Variants in ZFHX3 observed in about 807,000 individuals in gnomAD.
ZFHX3 encodes zinc finger homeobox 3.
Under a neutral mutation model 279.1 loss-of-function variants are expected in ZFHX3, and 42 were observed. The observed-to-expected ratio is 0.15, with a 90% CI of 0.12 to 0.19. The LOEUF (loss-of-function observed/expected upper bound fraction) is 0.19. Among genes scored for constraint, ZFHX3 ranks in the 10% least tolerant of loss-of-function variants. The pLI is 1.00. For synonymous variants in ZFHX3, 2,293 were observed against 1,957.8 expected (o/e 1.17, Z -4.52); for missense variants, 4,981 against 4,754.0 (o/e 1.05, Z -1.40).
chr16:73,439,324 G>GT (rs1430195355), intron 3 of ZFHX3, among the ~76,000 whole-genome samples: 1 of 152,160 alleles, frequency 6.6e-6, no homozygotes, highest in Admixed American at 6.5e-5. Flanking sequence ...TAGTGGCTCT[G>GT]TTTTTTCATG....
intron 5 of ZFHX3, among the ~76,000 whole-genome samples, chr16:73,241,698 G>C (rs937715330): frequency 6.7e-6 from 1 of 149,154 alleles, no homozygotes; most frequent in Non-Finnish European, 1.5e-5. Flanking sequence ...GCTGAGGCAG[G>C]AGAATCGCTT....
intron 1 of ZFHX3, among the ~76,000 whole-genome samples, chr16:73,716,021 G>T (rs2053411173): frequency 6.6e-6 from 1 of 152,022 alleles, no homozygotes; most frequent in Admixed American, 6.6e-5. Flanking sequence ...CCTACACATT[G>T]TTTGAAAAAT....
exon 1 of ZFHX3, chr16:73,058,556 TGCAGCGGCGCTGCTGGCGACGGCGGCG>T (rs888802257): frequency 1.1e-5 from 2 of 174,634 alleles, no homozygotes; most frequent in Admixed American, 6.9e-5. Context: ...CGGCGGCGGC[TGCAGCGGCGCTGCTGGCGACGGCGGCG>T]GCGGCGGGAG....
intron 1 of ZFHX3, among the ~76,000 whole-genome samples, 157 bp from the exon 2 acceptor site, chr16:72,960,351 G>A (rs961334023): frequency 1.3e-5 from 2 of 152,120 alleles, no homozygotes; most frequent in Admixed American, 6.5e-5. Flanking sequence ...CGGGCCTGGG[G>A]ACACTGCCCC....
intron 1 of ZFHX3, among the ~76,000 whole-genome samples, chr16:73,054,475 T>G (rs960799020): frequency 3.1e-5 from 4 of 129,760 alleles, no homozygotes; most frequent in Non-Finnish European, 6.5e-5. Flanking sequence ...TTTTAGGAAA[T>G]CCACACTTTT....
At position 73,763,855 on chromosome 16, in the gene ZFHX3, G is replaced by A. The variant is rs535641514; in HGVS notation, c.-1607-83615C>T. Among the ~76,000 whole-genome samples, 15 of 148,920 alleles carry A rather than the reference G, an allele frequency of 1.0e-4. No individual in the cohort carries two copies. The East Asian group carries it at 2.5e-3, about 25-fold the overall frequency. ...ATTCTCCCTCTCCCTTGCTGGCTTC[G>A]AAGAGGCAAGCTGCCATTAATTCTG... On this transcript the variant is annotated intron_variant, in intron 1 of 17. Coordinates refer to the ZFHX3 transcript ENST00000641206.
intron 2 of ZFHX3, chr16:73,487,705 C>T (rs1210459215): frequency 1.2e-5 from 2 of 166,670 alleles, no homozygotes; most frequent in Non-Finnish European, 2.6e-5. Context: ...GCGCTCAGCT[C>T]ATGTGATTTC....
chr16:73,825,894 T>C (rs1411604540), intron 1 of ZFHX3, among the ~76,000 whole-genome samples: 29 of 98,788 alleles, frequency 2.9e-4, no homozygotes, highest in African/African-American at 1.4e-3. Context: ...GGCTCTTTTT[T>C]GGTTCCATAT....
At chr16:72,895,599 A>T (rs1264872518) in intron 3 of ZFHX3, among the ~76,000 whole-genome samples, 1 of 152,242 alleles carries the variant, frequency 6.6e-6, no homozygotes, top group African/African-American at 2.4e-5. Context: ...AGGAAGGAGG[A>T]TCACTTGAGC....
At chr16:73,667,136 TGCCC>T (rs922476055) in intron 2 of ZFHX3, among the ~76,000 whole-genome samples, 12 of 151,838 alleles carry the variant, frequency 7.9e-5, no homozygotes, top group Admixed American at 2.6e-4. Flanking sequence ...GGATTACAGG[TGCCC>T]GCCACCACGC....
intron 1 of ZFHX3, among the ~76,000 whole-genome samples, chr16:73,046,345 G>C (rs976858389): frequency 7.9e-5 from 12 of 152,154 alleles, no homozygotes; most frequent in Admixed American, 2.0e-4. Context: ...TGGCTGTTCT[G>C]ATAACAAGGA....
At chr16:73,063,647 C>T (rs1192468633), upstream of ZFHX3, among the ~76,000 whole-genome samples, 1 of 152,020 alleles carries the variant, frequency 6.6e-6, no homozygotes, top group African/African-American at 2.4e-5. Context: ...GTCCCCCTGG[C>T]AGGACTAGGC....
At chr16:73,426,918 T>C (rs1308223567) in intron 3 of ZFHX3, among the ~76,000 whole-genome samples, 2 of 152,130 alleles carry the variant, frequency 1.3e-5, no homozygotes, top group Admixed American at 1.3e-4. Context: ...TGTCAACGTG[T>C]TGATTATTCT....
chr16:73,227,879 C>T (rs1296907573), intron 5 of ZFHX3, among the ~76,000 whole-genome samples: 2 of 134,430 alleles, frequency 1.5e-5, no homozygotes, highest in Non-Finnish European at 3.1e-5. Flanking sequence ...AAAAAGACAT[C>T]GAAGCTGAAA....
chr16:72,981,878 T>A (rs539193971), intron 1 of ZFHX3, among the ~76,000 whole-genome samples: 1 of 22,842 alleles, frequency 4.4e-5, no homozygotes, highest in Admixed American at 4.1e-4. Context: ...CACATTTTCC[T>A]TTTTTTTTTT....
chr16:73,685,217 C>T (rs895830138), intron 1 of ZFHX3, among the ~76,000 whole-genome samples: 2 of 146,442 alleles, frequency 1.4e-5, no homozygotes, highest in Non-Finnish European at 3.0e-5. Context: ...AGGGTTTCAC[C>T]GTGTTGGCCC....
At chr16:73,011,550 G>A (rs1963918836) in intron 1 of ZFHX3, among the ~76,000 whole-genome samples, 1 of 152,060 alleles carries the variant, frequency 6.6e-6, no homozygotes, top group Admixed American at 6.5e-5. Flanking sequence ...AGACCATCCT[G>A]GCCAACATGG....
intron 2 of ZFHX3, among the ~76,000 whole-genome samples, chr16:73,651,958 A>T (rs2052676323): frequency 6.6e-6 from 1 of 152,148 alleles, no homozygotes; most frequent in Admixed American, 6.5e-5. Context: ...GGTAAAATAA[A>T]ATACTTAAAA....
intron 2 of ZFHX3, among the ~76,000 whole-genome samples, chr16:72,952,639 A>G (rs894534984): frequency 2.2e-4 from 33 of 152,200 alleles, no homozygotes; most frequent in Non-Finnish European, 3.1e-4. Context: ...GCAGTGAGAC[A>G]CGAGGCTCAG....
Sources: gnomAD v4.1 joint callset for allele counts (sites outside exome capture counted in the v4.1 genomes callset) on GRCh38, gnomAD v4.1.1 for gene constraint, MANE v1.5 for transcripts, NCBI Gene and HGNC (gene_info 2026-07-23, HGNC 2026-07-21) for gene names.